Variants in GRIP1 observed in about 807,000 individuals in gnomAD.
The protein encoded by GRIP1 is glutamate receptor interacting protein 1.
Under a neutral mutation model 129.9 loss-of-function variants are expected in GRIP1, and 45 were observed. That is an observed-to-expected ratio of 0.35 (90% CI 0.27 to 0.44). GRIP1 has a LOEUF of 0.44. Among genes scored for constraint, GRIP1 ranks in the 20% least tolerant of loss-of-function variants. GRIP1 has a pLI of 1.00. For synonymous variants in GRIP1, 530 were observed against 520.8 expected (o/e 1.02, Z -0.24); for missense variants, 1,196 against 1,396.8 (o/e 0.86, Z 2.29).
chr12:66,857,224 G>A (rs905142580), intron 1 of GRIP1, among the ~76,000 whole-genome samples: 3 of 151,638 alleles, frequency 2.0e-5, no homozygotes, highest in Non-Finnish European at 4.4e-5. Context: ...GGCCTGTTGT[G>A]GGGTGGGGGG....
chr12:66,489,809 C>T (rs180892366), intron 7 of GRIP1, among the ~76,000 whole-genome samples: 4 of 151,988 alleles, frequency 2.6e-5, no homozygotes, highest in Admixed American at 2.6e-4. Flanking sequence ...ACTAACATTC[C>T]TAACACCAAC....
chr12:66,724,271 T>C (rs954340914), intron 1 of GRIP1, among the ~76,000 whole-genome samples: 2 of 152,162 alleles, frequency 1.3e-5, no homozygotes, highest in Admixed American at 1.3e-4. Context: ...ACCTCTGAGA[T>C]ACTTTCATGA....
chr12:66,641,434 T>A (rs1176000612), intron 1 of GRIP1, among the ~76,000 whole-genome samples: 1 of 152,188 alleles, frequency 6.6e-6, no homozygotes, highest in Admixed American at 6.5e-5. Flanking sequence ...CTTATTTAGT[T>A]TTTAAATTTT....
At position 66,406,064 on chromosome 12, in the gene GRIP1, G is replaced by A. The variant is rs563334498; in HGVS notation, c.1984+219C>T. Among the ~76,000 whole-genome samples the A allele has an allele frequency of 3.0e-4, 46 of 152,256 alleles. No individual in the cohort carries two copies. The South Asian group carries it at 8.7e-3, about 29-fold the overall frequency. Reference sequence around the variant, plus strand: ...AATTATTTTCATGCAATTATAATATGTTTTCTATAATGAAAATATCTTAAT... The same window carrying A: ...AATTATTTTCATGCAATTATAATATATTTTCTATAATGAAAATATCTTAAT... On this transcript the variant is annotated intron_variant, in intron 16 of 24. Transcript: ENST00000359742.
At chr12:66,965,084 G>A (rs1485146420) in intron 1 of GRIP1, among the ~76,000 whole-genome samples, 1 of 152,042 alleles carries the variant, frequency 6.6e-6, no homozygotes, top group African/African-American at 2.4e-5. Context: ...AGTTTAACAT[G>A]AATTTTGGGA....
chr12:66,989,970 T>C (rs1047985604), intron 1 of GRIP1, among the ~76,000 whole-genome samples: 4 of 152,202 alleles, frequency 2.6e-5, no homozygotes, highest in African/African-American at 9.7e-5. Context: ...GTGTTGCTTG[T>C]TAAGATTTCA....
chr12:66,779,781 G>A (rs1213897286), intron 1 of GRIP1, among the ~76,000 whole-genome samples: 1 of 152,192 alleles, frequency 6.6e-6, no homozygotes, highest in African/African-American at 2.4e-5. Flanking sequence ...CACATAATAT[G>A]TGCAGTAGTG....
Position 66,905,058 on chromosome 12 carries a change from G to A in GRIP1, c.58+163992C>T, listed in dbSNP as rs566120199. Among the ~76,000 whole-genome samples the A allele has an allele frequency of 2.6e-5, 4 of 152,274 alleles. No individual in the cohort carries two copies. The South Asian group carries it at 6.2e-4, about 24-fold the overall frequency. On this transcript the variant is annotated intron_variant, in intron 1 of 1. Transcript: ENST00000643019. ...ACAAGAAATATTGCTGAGTCTCTAT[G>A]CATGTTGACTCTGTAAAAGCATTTG...
chr12:66,383,275 C>T (rs529223295), intron 19 of GRIP1, among the ~76,000 whole-genome samples: 4 of 150,236 alleles, frequency 2.7e-5, no homozygotes, highest in African/African-American at 4.9e-5. Context: ...CCAGCCTGGG[C>T]GACAGAGCGA....
chr12:66,696,474 G>A (rs923094691), intron 1 of GRIP1, among the ~76,000 whole-genome samples: 1 of 152,000 alleles, frequency 6.6e-6, no homozygotes, highest in African/African-American at 2.4e-5. Flanking sequence ...TACTCAGCAT[G>A]AAAAAGAAAT....
At chr12:66,767,924 AC>A (rs1181833973) in intron 1 of GRIP1, among the ~76,000 whole-genome samples, 1 of 152,180 alleles carries the variant, frequency 6.6e-6, no homozygotes, top group Admixed American at 6.5e-5. Flanking sequence ...TAAAACAACC[AC>A]AGTCCTCATA....
chr12:66,772,024 G>A (rs2037834255), intron 1 of GRIP1, among the ~76,000 whole-genome samples: 1 of 152,210 alleles, frequency 6.6e-6, no homozygotes, highest in Admixed American at 6.5e-5. Context: ...GACTTATGGA[G>A]AACTTGTATT....
chr12:66,678,670 A>G (rs1203594924), intron 1 of GRIP1, among the ~76,000 whole-genome samples, 180 bp downstream of exon 1: 1 of 152,180 alleles, frequency 6.6e-6, no homozygotes, highest in Non-Finnish European at 1.5e-5. Context: ...ACCGAGATGT[A>G]AGGACAGAAA....
At chr12:66,953,763 T>C (rs557164017) in intron 1 of GRIP1, among the ~76,000 whole-genome samples, 1 of 152,170 alleles carries the variant, frequency 6.6e-6, no homozygotes, top group South Asian at 2.1e-4. Flanking sequence ...AAAAGAAAAG[T>C]AGACAAAACT....
intron 1 of GRIP1, among the ~76,000 whole-genome samples, chr12:66,788,214 A>C (rs963693649): frequency 2.0e-5 from 3 of 152,076 alleles, no homozygotes; most frequent in Non-Finnish European, 4.4e-5. Flanking sequence ...TTTTTGTTAA[A>C]TACAAAAAAC....
chr12:66,604,240 T>C (rs59153213), intron 1 of GRIP1, among the ~76,000 whole-genome samples: 51,273 of 152,140 alleles, frequency 0.34, 8,947 homozygotes, highest in Non-Finnish European at 0.37. Context: ...CAGTGATGCC[T>C]GCAGGCCTTT....
chr12:66,744,517 G>A (rs946141770), intron 1 of GRIP1, among the ~76,000 whole-genome samples: 4 of 152,076 alleles, frequency 2.6e-5, no homozygotes, highest in African/African-American at 4.8e-5. Flanking sequence ...TGGGTCCTAC[G>A]GTGCATTCTG....
chr12:66,682,917 G>C (rs186993958), upstream of GRIP1, among the ~76,000 whole-genome samples: 3 of 152,154 alleles, frequency 2.0e-5, no homozygotes, highest in East Asian at 3.9e-4. Flanking sequence ...CCATTTATTT[G>C]CTTATTCATT....
intron 1 of GRIP1, among the ~76,000 whole-genome samples, chr12:66,916,189 T>TA (rs1301057065): frequency 6.6e-6 from 1 of 152,162 alleles, no homozygotes; most frequent in African/African-American, 2.4e-5. Context: ...AGTATGTTTT[T>TA]AAAAAAAGTT....
Sources: gnomAD v4.1 joint callset for allele counts (sites outside exome capture counted in the v4.1 genomes callset) on GRCh38, gnomAD v4.1.1 for gene constraint, MANE v1.5 for transcripts, NCBI Gene and HGNC (gene_info 2026-07-23, HGNC 2026-07-21) for gene names.